SNX2: variants seen among roughly 807,000 people sequenced by gnomAD.
SNX2 encodes sorting nexin 2.
Under a neutral mutation model 69.9 loss-of-function variants are expected in SNX2, and 25 were observed. The observed-to-expected ratio is 0.36, with a 90% CI of 0.26 to 0.50. The LOEUF is 0.50. SNX2 is among the 20% of genes least tolerant of loss of function. The pLI, the probability that SNX2 is intolerant of heterozygous loss-of-function variation, is 0.97. For synonymous variants in SNX2, 229 were observed against 200.4 expected, an observed-to-expected ratio of 1.14 and a Z score of -1.20; for missense variants, 551 against 613.3, an observed-to-expected ratio of 0.90 and a Z score of 1.07.
intron 6 of SNX2, 128 bp from the exon 7 acceptor site, chr5:122,808,149 G>C (rs1753694978): frequency 1.8e-6 from 1 of 545,074 alleles, no homozygotes; most frequent in South Asian, 3.2e-5. Flanking sequence ...TTTTAGATAA[G>C]ATACCAGTTA....
chr5:122,796,404 G>A (rs1014112724), intron 2 of SNX2, among the ~76,000 whole-genome samples: 2 of 152,084 alleles, frequency 1.3e-5, no homozygotes, highest in African/African-American at 4.8e-5. Flanking sequence ...AGTTGTCACT[G>A]GAGATGAATT....
rs140243849 is a variant in SNX2, at chr5:122,788,767, T to C, written c.109-6499T>C. Among the ~76,000 whole-genome samples, 61 of 152,348 alleles carry C rather than the reference T, an allele frequency of 4.0e-4. No individual in the cohort carries two copies. In the East Asian group the frequency reaches 0.011, roughly 27 times the overall value. ...TTCTTTCTTCTTTTTGTAGCAGCTT[T>C]CTTTTTTTGCAGCAGCTTCTGTTTC... is the stretch of plus-strand genomic sequence containing the variant. On this transcript the variant is annotated intron_variant, in intron 1 of 14. Transcript: ENST00000379516.
chr5:122,805,264 C>T (rs1421453037), intron 6 of SNX2, among the ~76,000 whole-genome samples: 2 of 141,406 alleles, frequency 1.4e-5, no homozygotes, highest in Non-Finnish European at 3.0e-5. Flanking sequence ...GCACTCCAGG[C>T]TGGGCAGAAG....
intron 1 of SNX2, among the ~76,000 whole-genome samples, chr5:122,794,178 G>A (rs1373993391): frequency 6.6e-6 from 1 of 152,080 alleles, no homozygotes; most frequent in Non-Finnish European, 1.5e-5. Flanking sequence ...GGGCATGGTG[G>A]TGCATGCCTG....
intron 7 of SNX2, among the ~76,000 whole-genome samples, chr5:122,813,713 G>A (rs1354485709): frequency 1.3e-5 from 2 of 148,696 alleles, no homozygotes; most frequent in Non-Finnish European, 3.0e-5. Context: ...AGCTGTTTTA[G>A]AATATAAATT....
At position 122,778,232 on chromosome 5, in the gene SNX2, A is replaced by G. The variant is rs377473144; in HGVS notation, c.108+3021A>G. ...TTGATTCATTCATCTGTTGGTGGATATCTAGATTGCTTCCAAATCTTGTCT... is the reference window on the plus strand; with the variant it reads ...TTGATTCATTCATCTGTTGGTGGATGTCTAGATTGCTTCCAAATCTTGTCT... On this transcript the variant is annotated intron_variant, in intron 1 of 14. Transcript: ENST00000379516. 1.4e-4 allele frequency among the ~76,000 whole-genome samples: 21 copies of G among 152,300 alleles called. 3 individuals carry two copies. Among genetic ancestry groups the G allele is most frequent in the East Asian group, 3.9e-4 (2 of 5,186 alleles).
chr5:122,791,746 G>C (rs987424724), intron 1 of SNX2, among the ~76,000 whole-genome samples: 2 of 152,186 alleles, frequency 1.3e-5, no homozygotes, highest in African/African-American at 2.4e-5. Context: ...TAGAACATCT[G>C]ATTGACAAAC....
In SNX2 at chr5:122,834,271, C is replaced by T. The variant is rs1754360240; in HGVS notation, c.*4623C>T. On this transcript the variant is annotated 3_prime_UTR_variant, in exon 15 of 15. Transcript: ENST00000379516. ...TAGTTTACTATCTAGTTTTTTAATG[C>T]ACATGAAGTAATTTAAAATGCTCTT... 6.6e-6 allele frequency: 1 copy of T among 152,144 alleles called. No individual in the cohort carries two copies. Among genetic ancestry groups the T allele is most frequent in the Non-Finnish European group, 1.5e-5 (1 of 68,014 alleles). 9.4% of individuals were successfully genotyped at this position (152,144 alleles called of 1,614,324 possible). A position where few individuals can be genotyped will look rare whatever the true frequency, so the allele number is the denominator to read the frequency against.
intron 12 of SNX2, 96 bp downstream of exon 12, chr5:122,826,289 G>T: frequency 9.5e-7 from 1 of 1,049,064 alleles, no homozygotes; most frequent in Non-Finnish European, 1.3e-6. Flanking sequence ...CATTCAACAC[G>T]TAGCTATTTT....
chr5:122,796,927 A>G lies in SNX2; in HGVS notation c.226+1544A>G, dbSNP rs182983626. 3.6e-3 allele frequency among the ~76,000 whole-genome samples: 546 copies of G among 152,280 alleles called. 3 individuals carry two copies. The highest frequency in any genetic ancestry group is 5.5e-3 in the Non-Finnish European group (374 of 68,026). On this transcript the variant is annotated intron_variant, in intron 2 of 14. Coordinates refer to ENST00000379516, the MANE Select transcript of SNX2 (RefSeq NM_003100.4). ...ATTTGCCCACTTAGCTTGGTTAGAA[A>G]AAAAATTAAAAACAGTTTTTAGACA...
chr5:122,777,734 T>C (rs1752886344), intron 1 of SNX2, among the ~76,000 whole-genome samples: 1 of 152,230 alleles, frequency 6.6e-6, no homozygotes, highest in Non-Finnish European at 1.5e-5. Flanking sequence ...TACATACTTA[T>C]GGAGTACAGT....
intron 1 of SNX2, among the ~76,000 whole-genome samples, chr5:122,791,119 A>ATTTTTTTT (rs71623268): frequency 7.6e-6 from 1 of 131,686 alleles, no homozygotes; most frequent in Non-Finnish European, 1.6e-5. Context: ...GGCTATTTCA[A>ATTTTTTTT]TTTTTTTTTT....
intron 6 of SNX2, among the ~76,000 whole-genome samples, chr5:122,805,961 T>C (rs945210800): frequency 9.2e-5 from 14 of 151,844 alleles, no homozygotes; most frequent in African/African-American, 3.4e-4. Context: ...TTTGTATTTT[T>C]AGTAGAGATG....
At chr5:122,775,041 C>A, upstream of SNX2, 1 of 1,465,750 alleles carries the variant, frequency 6.8e-7, no homozygotes, top group Non-Finnish European at 9.1e-7. Flanking sequence ...GCGGGCCCAG[C>A]CGTGCGTGCT....
intron 1 of SNX2, among the ~76,000 whole-genome samples, chr5:122,785,738 G>A (rs963580384): frequency 7.9e-5 from 12 of 152,150 alleles, no homozygotes; most frequent in Non-Finnish European, 1.6e-4. Context: ...AATGGTAAGA[G>A]AATGTTTTAT....
At chr5:122,778,920 C>T (rs561400301) in intron 1 of SNX2, among the ~76,000 whole-genome samples, 11 of 152,100 alleles carry the variant, frequency 7.2e-5, no homozygotes, top group South Asian at 4.2e-4. Flanking sequence ...GGGATGGAGA[C>T]AGAGAAGGGA....
At chr5:122,806,772 G>T (rs1047948939) in intron 6 of SNX2, among the ~76,000 whole-genome samples, 1 of 151,960 alleles carries the variant, frequency 6.6e-6, no homozygotes, top group African/African-American at 2.4e-5. Context: ...CCCAATTCCG[G>T]TAGTTCAGTC....
chr5:122,823,910 A>T (rs1268922103), intron 11 of SNX2, among the ~76,000 whole-genome samples: 1 of 151,868 alleles, frequency 6.6e-6, no homozygotes, highest in Non-Finnish European at 1.5e-5. Flanking sequence ...AAACTTTATT[A>T]AAATGTCATG....
intron 1 of SNX2, among the ~76,000 whole-genome samples, chr5:122,791,411 A>G (rs1753235258): frequency 6.6e-6 from 1 of 152,104 alleles, no homozygotes; most frequent in Non-Finnish European, 1.5e-5. Flanking sequence ...CCTCCTGGGT[A>G]GCTGGGATTA....
Sources: allele counts gnomAD v4.1 joint callset (sites outside exome capture counted in the v4.1 genomes callset), GRCh38; gene constraint gnomAD v4.1.1; transcripts MANE v1.5; gene names NCBI Gene and HGNC (gene_info 2026-07-23, HGNC 2026-07-21).